The following RAC1 variants were observed in gnomAD, a reference collection of about 807,000 sequenced individuals.
The protein encoded by RAC1 is Rac family small GTPase 1.
In RAC1, 2 loss-of-function variants were observed where a neutral mutation model predicts 25.2. The ratio of observed to expected loss-of-function variants is 0.08; its 90% CI spans 0.03 to 0.25. The LOEUF (loss-of-function observed/expected upper bound fraction) is 0.25. Among genes scored for constraint, RAC1 ranks in the 10% least tolerant of loss-of-function variants. The pLI is 1.00. For synonymous variants in RAC1, 88 were observed against 94.0 expected, an observed-to-expected ratio of 0.94 and a Z score of 0.37; for missense variants, 50 against 235.7, an observed-to-expected ratio of 0.21 and a Z score of 5.16.
At chr7:6,385,951 C>T (rs1357692810) in intron 1 of RAC1, among the ~76,000 whole-genome samples, 3 of 152,128 alleles carry the variant, frequency 2.0e-5, no homozygotes, top group African/African-American at 7.2e-5. Context: ...CTTGCCTTGT[C>T]AATGCTGTAA....
At chr7:6,401,839 C>A (rs1388201405) in intron 4 of RAC1, 29 bp from the exon 5 acceptor site, 1 of 1,597,420 alleles carries the variant, frequency 6.3e-7, no homozygotes, top group African/African-American at 1.3e-5. Context: ...AGGAGCGTGT[C>A]ACAACCTCTG....
At chr7:6,376,073 A>G (rs1782584283) in intron 1 of RAC1, among the ~76,000 whole-genome samples, 2 of 151,900 alleles carry the variant, frequency 1.3e-5, no homozygotes, top group African/African-American at 4.8e-5. Flanking sequence ...CTTGCAATTC[A>G]GATGCAAGAA....
intron 4 of RAC1, chr7:6,401,558 T>G (rs1052381544): frequency 1.0e-5 from 2 of 200,626 alleles, no homozygotes; most frequent in Non-Finnish European, 2.0e-5. Flanking sequence ...GTGATCTATT[T>G]GCTTTGGGAG....
In RAC1 at chr7:6,402,435, C is replaced by T; in HGVS notation, c.568C>T (p.Leu190=). ...CGTGAAGAAGAGGAAGAGAAAATGC[C>T]TGCTGTTGTAAATGTCTCAGCCCCT... ...PPVKKRKRKC[L]LL The change falls in exon 6 of 6, where the codon CTG becomes TTG. Residue 190 remains leucine (L), a synonymous_variant. Transcript: ENST00000348035. 1 of 1,534,330 alleles carries T rather than the reference C, an allele frequency of 6.5e-7. No individual in the cohort carries two copies. The highest frequency in any genetic ancestry group is 8.8e-7 in the Non-Finnish European group (1 of 1,140,516).
chr7:6,391,611 C>T lies in RAC1; in HGVS notation c.108-313C>T, dbSNP rs1783095370. ...ATTTGAAAGCGGGGCTAATTGTACC[C>T]TTATTTCTTCTGGGGATAAAAGTCT... On this transcript the variant is annotated intron_variant, in intron 2 of 5. Coordinates refer to ENST00000348035, the MANE Select transcript of RAC1 (RefSeq NM_006908.5). The T allele has an allele frequency of 8.8e-6, 3 of 339,986 alleles. No homozygotes were observed. The Admixed American group carries it at 1.3e-4, about 15-fold the overall frequency. 21.1% of individuals were successfully genotyped at this position (339,986 alleles called of 1,614,324 possible).
At chr7:6,383,951 C>T (rs1782849828) in intron 1 of RAC1, among the ~76,000 whole-genome samples, 1 of 151,226 alleles carries the variant, frequency 6.6e-6, no homozygotes, top group African/African-American at 2.4e-5. Flanking sequence ...TACAGGCATG[C>T]ACGCCCGGCT....
chr7:6,398,690 C>G (rs1162280405), intron 3 of RAC1: 11 of 1,613,856 alleles, frequency 6.8e-6, no homozygotes, highest in Non-Finnish European at 8.5e-6. Context: ...AAGGATATAA[C>G]CTCCCGGGGC....
chr7:6,390,137 T>C (rs1783050736), intron 2 of RAC1, among the ~76,000 whole-genome samples: 2 of 132,814 alleles, frequency 1.5e-5, no homozygotes, highest in Non-Finnish European at 3.1e-5. Context: ...TCTTGCAGTA[T>C]TGCCCAGGCC....
intron 3 of RAC1, among the ~76,000 whole-genome samples, chr7:6,393,510 A>G (rs1783148179): frequency 6.6e-6 from 1 of 152,162 alleles, no homozygotes; most frequent in Non-Finnish European, 1.5e-5. Context: ...GTGACTTGGC[A>G]GGAGTCCCAC....
chr7:6,377,950 C>G (rs1005487562), intron 1 of RAC1, among the ~76,000 whole-genome samples: 2 of 152,116 alleles, frequency 1.3e-5, no homozygotes, highest in African/African-American at 4.8e-5. Flanking sequence ...TCTGTTCCTG[C>G]TTTGACCCTT....
chr7:6,397,178 T>C, intron 3 of RAC1, among the ~76,000 whole-genome samples: 1 of 143,276 alleles, frequency 7.0e-6, no homozygotes, highest in East Asian at 2.3e-4. Context: ...GAGGTGGAGC[T>C]TGCAGTGAGC....
At chr7:6,391,516 GC>G (rs1562466566) in intron 2 of RAC1, 1 of 211,018 alleles carries the variant, frequency 4.7e-6, no homozygotes. Flanking sequence ...GCAGAGGGTA[GC>G]TCTAGTGGCC....
intron 3 of RAC1, among the ~76,000 whole-genome samples, chr7:6,397,369 A>C (rs1458824569): frequency 6.6e-6 from 1 of 151,828 alleles, no homozygotes; most frequent in South Asian, 2.1e-4. Context: ...ATCTCGCCTC[A>C]CTGCAACCTC....
At chr7:6,374,863 C>T (rs1236155412) in intron 1 of RAC1, 93 bp downstream of exon 1, 1 of 999,888 alleles carries the variant, frequency 1.0e-6, no homozygotes, top group Non-Finnish European at 1.2e-6. Flanking sequence ...CCGGCGTCCG[C>T]CGCGGTCTCG....
chr7:6,375,031 C>T (rs867531789), intron 1 of RAC1, among the ~76,000 whole-genome samples: 1 of 151,812 alleles, frequency 6.6e-6, no homozygotes, highest in South Asian at 2.1e-4. Context: ...ACTCCACCCT[C>T]CGGCTTTCTT....
chr7:6,401,800 G>T (rs560453052), intron 4 of RAC1, 68 bp from the exon 5 acceptor site: 1 of 1,524,432 alleles, frequency 6.6e-7, no homozygotes, highest in Admixed American at 1.9e-5. Flanking sequence ...CCGCCGGCTG[G>T]GTGTGATTTA....
chr7:6,401,658 G>T (rs753228267), intron 4 of RAC1: 189 of 432,374 alleles, frequency 4.4e-4, no homozygotes, highest in Admixed American at 1.8e-3. Context: ...GTCCAGCCAT[G>T]ATCCGGGAGT....
At chr7:6,379,826 G>T (rs1936559099) in intron 1 of RAC1, among the ~76,000 whole-genome samples, 1 of 152,080 alleles carries the variant, frequency 6.6e-6, no homozygotes, top group Non-Finnish European at 1.5e-5. Context: ...TGGGCTCATG[G>T]CAACCTCTGC....
At chr7:6,376,779 GTTTT>G (rs35795933) in intron 1 of RAC1, among the ~76,000 whole-genome samples, 8 of 116,350 alleles carry the variant, frequency 6.9e-5, no homozygotes, top group African/African-American at 6.8e-5. Context: ...GCCTCGGCCT[GTTTT>G]TTTTTTTTTT....
Sources: gnomAD v4.1 joint callset for allele counts (sites outside exome capture counted in the v4.1 genomes callset) on GRCh38, gnomAD v4.1.1 for gene constraint, MANE v1.5 for transcripts, NCBI Gene and HGNC (gene_info 2026-07-23, HGNC 2026-07-21) for gene names.